The following ZFPM2 variants were observed in gnomAD, a reference collection of about 807,000 sequenced individuals.
ZFPM2 encodes zinc finger protein, FOG family member 2, also known as zinc finger protein ZFPM2.
Under a neutral mutation model 98.6 loss-of-function variants are expected in ZFPM2, and 20 were observed. The ratio of observed to expected loss-of-function variants is 0.20; its 90% confidence interval spans 0.14 to 0.29. The LOEUF (loss-of-function observed/expected upper bound fraction) is 0.29, where lower values mean the gene tolerates loss of function less well. ZFPM2 is among the 10% of genes least tolerant of loss of function. The probability of loss-of-function intolerance (pLI) is 1.00; values close to 1 mark genes in which losing one functional copy is unlikely to be tolerated. For synonymous variants in ZFPM2, 518 were observed against 502.7 expected (o/e 1.03, Z -0.41); for missense variants, 1,310 against 1,388.6 (o/e 0.94, Z 0.90).
chr8:105,636,490 T>C (rs1453135221), intron 5 of ZFPM2, among the ~76,000 whole-genome samples: 1 of 152,198 alleles, frequency 6.6e-6, no homozygotes, highest in Non-Finnish European at 1.5e-5. Context: ...CATTATTCTC[T>C]ATTACCTTGT....
At chr8:105,563,566 C>T (rs1815184020) in intron 4 of ZFPM2, among the ~76,000 whole-genome samples, 2 of 152,050 alleles carry the variant, frequency 1.3e-5, no homozygotes, top group Admixed American at 1.3e-4. Context: ...AAAATGCAGG[C>T]CTCAGTTGAT....
At chr8:105,746,294 T>C (rs1412578723) in intron 5 of ZFPM2, among the ~76,000 whole-genome samples, 1 of 151,970 alleles carries the variant, frequency 6.6e-6, no homozygotes, top group African/African-American at 2.4e-5. Flanking sequence ...AAAACAACAC[T>C]GAGTCATGGT....
intron 5 of ZFPM2, among the ~76,000 whole-genome samples, chr8:105,653,510 A>G (rs1339611215): frequency 6.6e-6 from 1 of 152,222 alleles, no homozygotes; most frequent in African/African-American, 2.4e-5. Context: ...AAGCAGCAAT[A>G]TAACATTGGC....
At chr8:105,571,030 T>C (rs1474484632) in intron 4 of ZFPM2, among the ~76,000 whole-genome samples, 1 of 152,336 alleles carries the variant, frequency 6.6e-6, no homozygotes, top group African/African-American at 2.4e-5. Context: ...AAAGGAGGAA[T>C]TGTTTATGTC....
intron 3 of ZFPM2, among the ~76,000 whole-genome samples, chr8:105,527,757 A>G (rs933538048): frequency 6.6e-6 from 1 of 152,220 alleles, no homozygotes; most frequent in African/African-American, 2.4e-5. Flanking sequence ...GCAGTGTCTC[A>G]GGACCCCTAG....
Position 105,725,015 on chromosome 8 carries a change from AT to A in ZFPM2, c.533-63696del, listed in dbSNP as rs138850286. On this transcript the variant is annotated intron_variant, in intron 5 of 7. Coordinates refer to ENST00000407775, the MANE Select transcript of ZFPM2 (RefSeq NM_012082.4). ...AGTCAACTGTATATTCTTAAATCACATTTTTTTATCTGCCTTTACAATACAA... is the reference window on the plus strand; with the variant it reads ...AGTCAACTGTATATTCTTAAATCACATTTTTTATCTGCCTTTACAATACAA... Among the ~76,000 whole-genome samples, 106 of 151,902 alleles carry A rather than the reference AT, an allele frequency of 7.0e-4. 2 individuals are homozygous for A. The East Asian group carries it at 0.019, about 27-fold the overall frequency.
chr8:105,561,330 G>C, intron 3 of ZFPM2, 33 bp from the exon 4 acceptor site: 1 of 1,546,018 alleles, frequency 6.5e-7, no homozygotes, highest in Non-Finnish European at 8.9e-7. Context: ...GTACAAGTAA[G>C]TATTCTAAAC....
chr8:105,777,929 A>G (rs1813143675), intron 5 of ZFPM2, among the ~76,000 whole-genome samples: 1 of 152,170 alleles, frequency 6.6e-6, no homozygotes, highest in South Asian at 2.1e-4. Context: ...TGTATTAATG[A>G]AGCAGCTGGC....
chr8:105,385,970 C>T (rs1171410116), intron 1 of ZFPM2, among the ~76,000 whole-genome samples: 1 of 152,154 alleles, frequency 6.6e-6, no homozygotes, highest in Non-Finnish European at 1.5e-5. Flanking sequence ...GAGCAAGTTA[C>T]TTATCTGTGC....
chr8:105,475,310 T>C (rs1477549054), intron 3 of ZFPM2, among the ~76,000 whole-genome samples: 2 of 152,250 alleles, frequency 1.3e-5, no homozygotes, highest in African/African-American at 2.4e-5. Flanking sequence ...CTCATTGTTA[T>C]GACATCTCAA....
chr8:105,549,566 C>T (rs573550443), intron 3 of ZFPM2, among the ~76,000 whole-genome samples: 101 of 135,526 alleles, frequency 7.5e-4, no homozygotes, highest in Non-Finnish European at 1.3e-3. Context: ...TTCCTTTCTT[C>T]CTTCCATCCT....
chr8:105,318,873 G>GGAGCGGCGA lies in ZFPM2; in HGVS notation c.-65_-64insGGCGAGAGC. 2 of 1,046,092 alleles carry GGAGCGGCGA rather than the reference G, an allele frequency of 1.9e-6. No homozygotes were observed. Among genetic ancestry groups the GGAGCGGCGA allele is most frequent in the South Asian group, 7.3e-5 (2 of 27,292 alleles). 64.8% of individuals were successfully genotyped at this position (1,046,092 alleles called of 1,614,324 possible). ...GGCGGCGGCGGCGGCGGCGGCGGCG[G>GGAGCGGCGA]GAGCCGAGGGAGCGGCAGCCGCGAC... On this transcript the variant is annotated 5_prime_UTR_variant, in exon 1 of 8. Transcript: ENST00000407775.
rs1027034021 is a variant in ZFPM2 at position 105,790,600 on chromosome 8, C to T, written c.739+1676C>T. Among the ~76,000 whole-genome samples, 431 of 152,136 alleles carry T rather than the reference C, an allele frequency of 2.8e-3. 2 individuals are homozygous for T. The highest frequency in any genetic ancestry group is 8.8e-3 in the African/African-American group (366 of 41,494). Reference sequence around the variant, plus strand: ...GGGCTCTTTTTTGGTTCCATATGAACTTTAAAGTAGTTTTTTCCAATTCTG... The same window carrying T: ...GGGCTCTTTTTTGGTTCCATATGAATTTTAAAGTAGTTTTTTCCAATTCTG... On this transcript the variant is annotated intron_variant, in intron 6 of 7. Transcript: ENST00000407775.
At chr8:105,697,415 TC>T (rs918279316) in intron 5 of ZFPM2, among the ~76,000 whole-genome samples, 3 of 152,166 alleles carry the variant, frequency 2.0e-5, no homozygotes, top group African/African-American at 7.2e-5. Context: ...AGATAGGTAA[TC>T]CATGTAAGGT....
At chr8:105,408,016 C>T (rs57070484) in intron 1 of ZFPM2, among the ~76,000 whole-genome samples, 51,255 of 151,640 alleles carry the variant, frequency 0.34, 10,752 homozygotes, top group African/African-American at 0.6. Context: ...TTTTGGCTTA[C>T]CCTATAACTT....
chr8:105,773,684 AAG>A (rs1489407430), intron 5 of ZFPM2, among the ~76,000 whole-genome samples: 1 of 150,952 alleles, frequency 6.6e-6, no homozygotes, highest in Admixed American at 6.6e-5. Flanking sequence ...ATAAATAAAA[AAG>A]ATAAATAAAA....
At chr8:105,472,889 CTTTTT>C (rs5893744) in intron 3 of ZFPM2, among the ~76,000 whole-genome samples, 1 of 109,352 alleles carries the variant, frequency 9.1e-6, no homozygotes. Flanking sequence ...CTAAAGGGAC[CTTTTT>C]TTTTTTTTTT....
intron 4 of ZFPM2, among the ~76,000 whole-genome samples, chr8:105,610,055 T>C (rs143779214): frequency 1.5e-4 from 23 of 152,212 alleles, no homozygotes; most frequent in African/African-American, 5.5e-4. Flanking sequence ...AGCAATGCAA[T>C]TATGAATTTC....
At chr8:105,473,584 AGAGTT>A (rs1204186796) in intron 3 of ZFPM2, among the ~76,000 whole-genome samples, 1 of 152,176 alleles carries the variant, frequency 6.6e-6, no homozygotes, top group African/African-American at 2.4e-5. Flanking sequence ...ATGCCACAGA[AGAGTT>A]GAGGAGAGCT....
Sources: gnomAD v4.1 joint callset for allele counts (sites outside exome capture counted in the v4.1 genomes callset) on GRCh38, gnomAD v4.1.1 for gene constraint, MANE v1.5 for transcripts, NCBI Gene and HGNC (gene_info 2026-07-23, HGNC 2026-07-21) for gene names.